USP36: variants seen among roughly 807,000 people sequenced by gnomAD.
USP36 encodes ubiquitin specific peptidase 36.
Under a neutral mutation model 111.5 loss-of-function variants are expected in USP36, and 59 were observed. The ratio of observed to expected loss-of-function variants is 0.53; its 90% CI spans 0.43 to 0.66. The LOEUF (loss-of-function observed/expected upper bound fraction) is 0.66. Among genes scored for constraint, USP36 ranks in the 30% least tolerant of loss-of-function variants. USP36 has a pLI of 0.00. For missense variants in USP36, 1,488 were observed against 1,468.0 expected (o/e 1.01, Z -0.22); for synonymous variants, 628 against 581.0 (o/e 1.08, Z -1.16).
In USP36 at chr17:78,834,018, G is replaced by A. The variant is rs148452104; in HGVS notation, c.475+1262C>T. Among the ~76,000 whole-genome samples, 157 of 152,200 alleles carry A rather than the reference G, an allele frequency of 1.0e-3. 1 individual carries two copies. In the East Asian group the frequency reaches 0.025, roughly 24 times the overall value. On this transcript the variant is annotated intron_variant, in intron 4 of 20. Coordinates refer to ENST00000449938, the MANE Select transcript of USP36 (RefSeq NM_001385174.1). The stretch of plus-strand genomic sequence containing the variant: ...TCCCAGCACTTTAGGAGGCCAAGGC[G>A]GTTGGATCACCTGAGGTCACGAGTT...
At chr17:78,788,042 G>C (rs1190025984) in intron 3 of USP36, among the ~76,000 whole-genome samples, 1 of 152,220 alleles carries the variant, frequency 6.6e-6, no homozygotes, top group Non-Finnish European at 1.5e-5. Flanking sequence ...CTGGCACTGT[G>C]AGAGAACATT....
intron 4 of USP36, among the ~76,000 whole-genome samples, chr17:78,832,462 G>A (rs1324618310): frequency 1.3e-5 from 2 of 152,206 alleles, no homozygotes; most frequent in Non-Finnish European, 2.9e-5. Context: ...AGTGATACTG[G>A]CCCATGGGAC....
intron 4 of USP36, among the ~76,000 whole-genome samples, chr17:78,830,512 A>G (rs1157201039): frequency 6.6e-6 from 1 of 152,238 alleles, no homozygotes; most frequent in Non-Finnish European, 1.5e-5. Flanking sequence ...TCTCTAAAGT[A>G]CACGCTCAGA....
chr17:78,821,107 C>A, intron 7 of USP36, 46 bp from the exon 8 acceptor site: 1 of 1,552,086 alleles, frequency 6.4e-7, no homozygotes. Flanking sequence ...CTGGCAGAGG[C>A]ACTCCCAGCT....
Position 78,803,348 on chromosome 17 carries a change from C to CA in USP36, c.2810+36dup, listed in dbSNP as rs760166513. The CA allele has an allele frequency of 1.9e-5, 30 of 1,578,874 alleles. No homozygotes were observed. Among genetic ancestry groups the CA allele is most frequent in the Admixed American group, 5.2e-5 (3 of 57,858 alleles). On this transcript the variant is annotated intron_variant, in intron 16 of 20. Transcript: ENST00000449938. The surrounding 1 kb of genome is among the most constrained non-coding windows in gnomAD (Gnocchi z 4.6). ...TCTGTGGTTTTGCTTTGTTTCTCGT[C>CA]AGAGGTAGACAGATGCCACTTTGCT...
intron 13 of USP36, among the ~76,000 whole-genome samples, chr17:78,812,046 G>A (rs1301040266): frequency 6.6e-6 from 1 of 151,994 alleles, no homozygotes; most frequent in Non-Finnish European, 1.5e-5. Context: ...AAAATTAGCT[G>A]GGTGTGGTAG....
chr17:78,833,409 G>A (rs748317095), intron 4 of USP36, among the ~76,000 whole-genome samples: 1 of 151,922 alleles, frequency 6.6e-6, no homozygotes, highest in Non-Finnish European at 1.5e-5. Context: ...AGCCTCCCAA[G>A]TAGCTGGGAT....
At chr17:78,820,347 C>G (rs1219481311) in intron 8 of USP36, among the ~76,000 whole-genome samples, 1 of 152,158 alleles carries the variant, frequency 6.6e-6, no homozygotes, top group Non-Finnish European at 1.5e-5. Context: ...CGTGGTGGTG[C>G]ATGCCTGTAG....
At chr17:78,791,431 T>C (rs565606144), downstream of USP36, among the ~76,000 whole-genome samples, 1 of 152,258 alleles carries the variant, frequency 6.6e-6, no homozygotes, top group South Asian at 2.1e-4. Flanking sequence ...GGCCTTCTTT[T>C]TATAGGAAGT....
At position 78,807,053 on chromosome 17, in the gene USP36, T is replaced by C. The variant is rs145100246; in HGVS notation, c.1991A>G (p.Lys664Arg). 17 of 1,614,102 alleles carry C rather than the reference T, an allele frequency of 1.1e-5. No homozygotes were observed. Among genetic ancestry groups the C allele is most frequent in the Non-Finnish European group, 1.4e-5 (17 of 1,180,040 alleles). The change falls in exon 14 of 21, where the codon AAG (lysine) becomes AGG (arginine). Residue 664 changes from lysine to arginine, a missense_variant. Around this residue, in one of 3 missense-constraint regions of USP36, gnomAD observed 1,073 missense variants for 994.1 expected, o/e 1.08. Coordinates refer to ENST00000449938, the MANE Select transcript of USP36 (RefSeq NM_001385174.1). ...PPSGADSKTV[K>R]LKSPVLSNTT... ...GTTGCTCAGGACAGGGGACTTCAGC[T>C]TCACCGTCTTAGAATCTGCTCCACT...
chr17:78,792,585 C>T (rs992444631), downstream of USP36, among the ~76,000 whole-genome samples: 2 of 152,282 alleles, frequency 1.3e-5, no homozygotes, highest in African/African-American at 2.4e-5. Flanking sequence ...AATCAGAATG[C>T]GGGGGAAGGA....
chr17:78,809,372 A>T (rs2093993730), intron 13 of USP36, among the ~76,000 whole-genome samples: 1 of 152,198 alleles, frequency 6.6e-6, no homozygotes, highest in Non-Finnish European at 1.5e-5. Flanking sequence ...TTCTAAAAGG[A>T]ATTCATCTTT....
At chr17:78,808,956 T>C (rs1476885059) in intron 13 of USP36, among the ~76,000 whole-genome samples, 1 of 148,546 alleles carries the variant, frequency 6.7e-6, no homozygotes. Flanking sequence ...AAATTACAGA[T>C]TTCATTTTCA....
In USP36 at chr17:78,798,376, T is replaced by C. The variant is rs1392202480; in HGVS notation, c.*20+24A>G. On this transcript the variant is annotated intron_variant, in intron 20 of 20. Coordinates refer to ENST00000449938, the MANE Select transcript of USP36 (RefSeq NM_001385174.1). The surrounding 1 kb of genome is among the most constrained non-coding windows in gnomAD (Gnocchi z 5.1). ...GGCACACACACCCCCACCTCACCCTTACACCCACCCCCTCGGAACCGACCT... is the reference window on the plus strand; with the variant it reads ...GGCACACACACCCCCACCTCACCCTCACACCCACCCCCTCGGAACCGACCT... 1 of 1,611,698 alleles carries C rather than the reference T, an allele frequency of 6.2e-7. No homozygotes were observed.
At chr17:78,813,632 TG>T in intron 12 of USP36, 140 bp downstream of exon 12, 1 of 712,490 alleles carries the variant, frequency 1.4e-6, no homozygotes, top group Non-Finnish European at 2.4e-6. Context: ...TCCTTCCCTG[TG>T]GACGGTCTCT....
upstream of USP36, chr17:78,841,098 T>C (rs1402352928): frequency 1.3e-5 from 2 of 152,110 alleles, no homozygotes; most frequent in South Asian, 2.1e-4. Context: ...GAGGTGCCGC[T>C]ACTTCCGGGT....
intron 10 of USP36, among the ~76,000 whole-genome samples, chr17:78,815,843 A>G (rs916252548): frequency 1.5e-5 from 2 of 135,726 alleles, no homozygotes; most frequent in African/African-American, 3.8e-5. Context: ...ATACATACAC[A>G]CACACATATG....
intron 13 of USP36, among the ~76,000 whole-genome samples, chr17:78,811,882 A>G (rs1310236231): frequency 1.3e-5 from 2 of 152,004 alleles, no homozygotes; most frequent in African/African-American, 4.8e-5. Context: ...AAAAAAAAAA[A>G]AGGATATTTT....
At chr17:78,806,389 G>A (rs929610331) in intron 14 of USP36, 103 bp from the exon 15 acceptor site, 2 of 1,498,742 alleles carry the variant, frequency 1.3e-6, no homozygotes, top group Non-Finnish European at 1.8e-6. Context: ...AAACAAAAGA[G>A]CCCAGAAAAA....
Sources: gnomAD v4.1 joint callset for allele counts (sites outside exome capture counted in the v4.1 genomes callset) on GRCh38, gnomAD v4.1.1 for gene constraint, gnomAD v4.1.1 regional missense constraint, Gnocchi (gnomAD v3.1) non-coding constraint, MANE v1.5 for transcripts, NCBI Gene and HGNC (gene_info 2026-07-23, HGNC 2026-07-21) for gene names.